SPMIP11: variants seen among roughly 807,000 people sequenced by gnomAD.
The protein encoded by SPMIP11 is long intergenic non-protein coding RNA 935.
At chr12:48,768,010 GC>G in the SPMIP11 span, 1 of 157,608 alleles carries the variant, frequency 6.3e-6, no homozygotes. Context: ...CTGAAATATG[GC>G]CAAAGCTGGC....
the SPMIP11 span, chr12:48,764,959 GCCC>G: frequency 4.3e-6 from 3 of 702,980 alleles, no homozygotes; most frequent in Non-Finnish European, 7.8e-6. Flanking sequence ...TGGATCCGGA[GCCC>G]ACGCCATTGT....
the SPMIP11 span, among the ~76,000 whole-genome samples, chr12:48,730,030 GA>G: frequency 6.6e-6 from 1 of 151,978 alleles, no homozygotes; most frequent in East Asian, 1.9e-4. Flanking sequence ...TCCAGGCCAA[GA>G]TTAAGCCTCT....
At chr12:48,743,490 A>G in the SPMIP11 span, among the ~76,000 whole-genome samples, 4 of 152,164 alleles carry the variant, frequency 2.6e-5, no homozygotes, top group Middle Eastern at 6.8e-3. Context: ...GGGAATCACA[A>G]CTCACTTTTG....
the SPMIP11 span, among the ~76,000 whole-genome samples, chr12:48,745,227 G>T: frequency 6.6e-6 from 1 of 151,018 alleles, no homozygotes; most frequent in Non-Finnish European, 1.5e-5. Flanking sequence ...GCAGTGAGCC[G>T]AGATCATACC....
chr12:48,729,703 C>T, the SPMIP11 span, among the ~76,000 whole-genome samples: 4 of 129,754 alleles, frequency 3.1e-5, no homozygotes, highest in Non-Finnish European at 6.7e-5. Context: ...AGCAAGACTC[C>T]GTCTAAAAAA....
chr12:48,750,202 A>T, the SPMIP11 span, among the ~76,000 whole-genome samples: 4 of 152,120 alleles, frequency 2.6e-5, no homozygotes, highest in Non-Finnish European at 5.9e-5. Flanking sequence ...AAATCAAAAA[A>T]ATTGGCTGGG....
chr12:48,771,058 G>T, the SPMIP11 span: 1 of 1,331,640 alleles, frequency 7.5e-7, no homozygotes, highest in Non-Finnish European at 1.0e-6. The surrounding 1 kb of genome is among the most constrained non-coding windows in gnomAD (Gnocchi z 4.3). Context: ...CGCCTTGGCT[G>T]CCTTCCCCAC....
chr12:48,745,073 A>C, the SPMIP11 span, among the ~76,000 whole-genome samples: 1 of 152,128 alleles, frequency 6.6e-6, no homozygotes, highest in East Asian at 1.9e-4. Flanking sequence ...GATGGAGACC[A>C]TCCTGGCTAA....
the SPMIP11 span, among the ~76,000 whole-genome samples, chr12:48,757,598 A>G: frequency 1.3e-5 from 2 of 151,868 alleles, no homozygotes; most frequent in Non-Finnish European, 2.9e-5. Flanking sequence ...GTGAGCCAAG[A>G]TCACACCACT....
the SPMIP11 span, among the ~76,000 whole-genome samples, chr12:48,763,989 T>C: frequency 6.6e-6 from 1 of 151,426 alleles, no homozygotes; most frequent in East Asian, 1.9e-4. Flanking sequence ...AAAGTACTTT[T>C]TTTTTTTTTT....
At chr12:48,770,795 T>A in the SPMIP11 span, 1 of 1,613,988 alleles carries the variant, frequency 6.2e-7, no homozygotes, top group African/African-American at 1.3e-5. Flanking sequence ...GTTGAAGGAG[T>A]GCTCATTGAT....
chr12:48,761,465 C>T, the SPMIP11 span, among the ~76,000 whole-genome samples: 5 of 147,004 alleles, frequency 3.4e-5, no homozygotes, highest in African/African-American at 5.1e-5. Context: ...AAAAAAAAAT[C>T]GCAGGGCATG....
the SPMIP11 span, chr12:48,759,187 A>C: frequency 1.4e-6 from 1 of 702,574 alleles, no homozygotes; most frequent in African/African-American, 1.7e-5. Context: ...AAGTACTCAG[A>C]ACGAGTCTAC....
chr12:48,765,839 C>T, the SPMIP11 span: 1 of 590,334 alleles, frequency 1.7e-6, no homozygotes, highest in South Asian at 2.0e-5. Context: ...GGGAGTGATT[C>T]CAGTGTCCAG....
At chr12:48,735,003 CAAA>C in the SPMIP11 span, among the ~76,000 whole-genome samples, 2 of 84,126 alleles carry the variant, frequency 2.4e-5, no homozygotes, top group African/African-American at 5.1e-5. Context: ...GACTCTGTCT[CAAA>C]AAAAAAAAAA....
the SPMIP11 span, among the ~76,000 whole-genome samples, chr12:48,754,872 G>A: frequency 1.3e-5 from 2 of 150,638 alleles, no homozygotes; most frequent in Non-Finnish European, 3.0e-5. Flanking sequence ...TCAGCCTCCC[G>A]AGTAGCTGGG....
chr12:48,771,075 G>T, the SPMIP11 span: 2 of 1,129,926 alleles, frequency 1.8e-6, no homozygotes, highest in South Asian at 1.5e-5. This position sits in a 1 kb window ranked among gnomAD's most constrained non-coding sequence, Gnocchi z 4.3. Flanking sequence ...CCACTTCCCT[G>T]TCTCAAGAGC....
the SPMIP11 span, among the ~76,000 whole-genome samples, chr12:48,733,093 T>TTC: frequency 1.3e-5 from 2 of 150,400 alleles, no homozygotes; most frequent in East Asian, 3.9e-4. Flanking sequence ...TTTTTTTTTT[T>TTC]AGACTGAGTC....
chr12:48,762,529 G>A, the SPMIP11 span, among the ~76,000 whole-genome samples: 1 of 151,486 alleles, frequency 6.6e-6, no homozygotes, highest in African/African-American at 2.4e-5. Context: ...CACCATGCCT[G>A]GCTAATTTTT....
Sources: allele counts gnomAD v4.1 joint callset (sites outside exome capture counted in the v4.1 genomes callset), GRCh38; gene constraint gnomAD v4.1.1; non-coding constraint Gnocchi (gnomAD v3.1); transcripts MANE v1.5; gene names NCBI Gene and HGNC (gene_info 2026-07-23, HGNC 2026-07-21).